The following BBS9 variants were observed in gnomAD, a reference collection of about 807,000 sequenced individuals.
BBS9 encodes the protein protein PTHB1.
Under a neutral mutation model 117.7 loss-of-function variants are expected in BBS9, and 89 were observed. The ratio of observed to expected loss-of-function variants is 0.76; its 90% CI spans 0.64 to 0.90. The LOEUF (loss-of-function observed/expected upper bound fraction) is 0.90, where lower values mean the gene tolerates loss of function less well. BBS9 is among the 40% of genes least tolerant of loss of function. The pLI, the probability that BBS9 is intolerant of heterozygous loss-of-function variation, is 0.00. For missense variants in BBS9, 982 were observed against 1,042.2 expected (o/e 0.94, Z 0.80); for synonymous variants, 379 against 370.9 (o/e 1.02, Z -0.25).
chr7:33,273,874 C>G lies in BBS9; in HGVS notation c.934C>G (p.Leu312Val), dbSNP rs1189541228. The G allele has an allele frequency of 6.2e-7, 1 of 1,609,750 alleles. No individual in the cohort carries two copies. The highest frequency in any genetic ancestry group is 2.2e-5 in the East Asian group (1 of 44,758). Reference protein sequence around the residue: ...NTLIGNHNNMLHIYQDVTLKW... With the variant: ...NTLIGNHNNMVHIYQDVTLKW... Reference sequence around the variant, plus strand: ...TTTGATTGGAAATCATAATAACATGCTGCATATTTATCAAGATGTGACACT... The same window carrying G: ...TTTGATTGGAAATCATAATAACATGGTGCATATTTATCAAGATGTGACACT... Residue 312 changes from leucine (L) to valine (V), a missense_variant, in exon 9 of 23, where the codon CTG (leucine) becomes GTG (valine). Physicochemically the swap from Leu to Val is conservative, Grantham distance 32. Transcript: ENST00000242067.
intron 9 of BBS9, among the ~76,000 whole-genome samples, chr7:33,281,819 T>C: frequency 6.6e-6 from 1 of 152,086 alleles, no homozygotes. Flanking sequence ...TTTAAAATTA[T>C]TATTATTATT....
chr7:33,629,692 C>A (rs1418993142), intron 21 of BBS9, among the ~76,000 whole-genome samples: 1 of 152,164 alleles, frequency 6.6e-6, no homozygotes, highest in Non-Finnish European at 1.5e-5. Context: ...AGTCACTGAA[C>A]TTTGTCAGAA....
At chr7:33,553,831 G>A (rs536585336) in intron 21 of BBS9, among the ~76,000 whole-genome samples, 3 of 152,262 alleles carry the variant, frequency 2.0e-5, no homozygotes, top group African/African-American at 2.4e-5. Flanking sequence ...ACTAACAAGA[G>A]AGACAGGATT....
At chr7:33,513,475 T>C (rs1024869416) in intron 20 of BBS9, among the ~76,000 whole-genome samples, 5 of 152,346 alleles carry the variant, frequency 3.3e-5, no homozygotes, top group Admixed American at 6.5e-5. Flanking sequence ...CAAGTATTGC[T>C]TGATACTCCA....
chr7:33,322,051 C>T (rs377210890), intron 9 of BBS9, among the ~76,000 whole-genome samples: 1 of 152,098 alleles, frequency 6.6e-6, no homozygotes, highest in Admixed American at 6.5e-5. Flanking sequence ...TTGAACTATA[C>T]CAGCATCCTA....
chr7:33,605,256 C>T lies in BBS9; in HGVS notation c.*30C>T, dbSNP rs762547561. The T allele has an allele frequency of 1.2e-6, 2 of 1,605,346 alleles. No individual in the cohort carries two copies. Among genetic ancestry groups the T allele is most frequent in the South Asian group, 1.1e-5 (1 of 90,916 alleles). On this transcript the variant is annotated 3_prime_UTR_variant, in exon 23 of 23. Transcript: ENST00000242067. ...AGTAGAGTTGTTTGGTTGAGAGGAA[C>T]ATCCCCATCTCAAGGCCGAACCTGT...
chr7:33,509,065 A>T (rs1846540686), intron 20 of BBS9, among the ~76,000 whole-genome samples: 1 of 152,188 alleles, frequency 6.6e-6, no homozygotes, highest in African/African-American at 2.4e-5. Context: ...GTGAGATTAG[A>T]AGGTATGTAT....
At chr7:33,223,421 C>T (rs1176340394) in intron 5 of BBS9, among the ~76,000 whole-genome samples, 1 of 152,174 alleles carries the variant, frequency 6.6e-6, no homozygotes, top group Non-Finnish European at 1.5e-5. Flanking sequence ...TAACTGGAAC[C>T]TGAAAACAGT....
At chr7:33,160,224 C>T (rs953129388) in intron 4 of BBS9, among the ~76,000 whole-genome samples, 1 of 152,118 alleles carries the variant, frequency 6.6e-6, no homozygotes, top group South Asian at 2.1e-4. Flanking sequence ...TTACTTCAAA[C>T]CATGGAAAAG....
intron 4 of BBS9, among the ~76,000 whole-genome samples, chr7:33,160,406 T>A (rs1794671579): frequency 6.6e-6 from 1 of 152,210 alleles, no homozygotes; most frequent in Admixed American, 6.5e-5. Context: ...GTCTTTTATC[T>A]ATTGAGGCAT....
chr7:33,373,435 T>C (rs1823234232), intron 17 of BBS9, among the ~76,000 whole-genome samples: 1 of 152,068 alleles, frequency 6.6e-6, no homozygotes, highest in Non-Finnish European at 1.5e-5. Flanking sequence ...CACTGACAAA[T>C]TGCAAATACA....
chr7:33,321,727 A>G (rs79484178), intron 9 of BBS9, among the ~76,000 whole-genome samples: 2,089 of 151,948 alleles, frequency 0.014, 53 homozygotes, highest in African/African-American at 0.048. Context: ...GTCTTGTTGA[A>G]TTGGTAGGTA....
At position 33,470,482 on chromosome 7, in the gene BBS9, C is replaced by G. The variant is rs141787343; in HGVS notation, c.2116-34981C>G. Among the ~76,000 whole-genome samples the G allele has an allele frequency of 2.6e-4, 39 of 152,152 alleles. No individual in the cohort carries two copies. In the East Asian group the frequency reaches 7.2e-3, roughly 28 times the overall value. ...TTCTACCCCTTCACTTTTTTACCACCCCTATTTATTGTTCTCTTGTAGATT... is the reference window on the plus strand; with the variant it reads ...TTCTACCCCTTCACTTTTTTACCACGCCTATTTATTGTTCTCTTGTAGATT... On this transcript the variant is annotated intron_variant, in intron 19 of 22. Coordinates refer to ENST00000242067, the MANE Select transcript of BBS9 (RefSeq NM_198428.3).
rs529055658 is a variant in BBS9 at position 33,130,548 on chromosome 7, A to T, written c.-12+507A>T. On this transcript the variant is annotated intron_variant, in intron 1 of 22. Coordinates refer to ENST00000242067, the MANE Select transcript of BBS9 (RefSeq NM_198428.3). ...TTTTTGGGTATCTCACTTTTACTTT[A>T]AAAATGAAACCGTATCTTACAGGTA... Among the ~76,000 whole-genome samples, 6 of 152,330 alleles carry T rather than the reference A, an allele frequency of 3.9e-5. No individual in the cohort carries two copies. The East Asian group carries it at 1.2e-3, about 29-fold the overall frequency.
intron 5 of BBS9, among the ~76,000 whole-genome samples, chr7:33,256,896 A>G (rs1020033363): frequency 3.3e-5 from 5 of 152,118 alleles, no homozygotes; most frequent in African/African-American, 9.7e-5. Context: ...TATGTTTTCT[A>G]TGTATCAGTT....
chr7:33,384,715 TGA>T (rs60567131), intron 18 of BBS9, among the ~76,000 whole-genome samples: 383 of 144,158 alleles, frequency 2.7e-3, no homozygotes, highest in Middle Eastern at 7.0e-3. Context: ...TGTGTGTGTG[TGA>T]GAGAGAGAGA....
At chr7:33,147,667 A>C (rs4720106) in intron 2 of BBS9, among the ~76,000 whole-genome samples, 24,024 of 152,200 alleles carry the variant, frequency 0.16, 2,069 homozygotes, top group South Asian at 0.21. Context: ...AACAATTTCA[A>C]ACCCACTTCT....
chr7:33,440,273 T>C (rs1216409130), intron 19 of BBS9, among the ~76,000 whole-genome samples: 1 of 152,232 alleles, frequency 6.6e-6, no homozygotes, highest in Non-Finnish European at 1.5e-5. Context: ...TTTGAGATAT[T>C]AGTGTTATCA....
intron 19 of BBS9, among the ~76,000 whole-genome samples, chr7:33,472,425 C>G (rs1469605221): frequency 2.6e-5 from 4 of 152,188 alleles, no homozygotes; most frequent in Non-Finnish European, 5.9e-5. Context: ...TTATGCAATA[C>G]TTGAGAAAAT....
Sources: gnomAD v4.1 joint callset for allele counts (sites outside exome capture counted in the v4.1 genomes callset) on GRCh38, gnomAD v4.1.1 for gene constraint, MANE v1.5 for transcripts, NCBI Gene and HGNC (gene_info 2026-07-23, HGNC 2026-07-21) for gene names.